Variants in TRIM25 observed in about 807,000 individuals in gnomAD.
TRIM25 encodes the protein tripartite motif containing 25.
In TRIM25, 45 loss-of-function variants were observed where a neutral mutation model predicts 65.2. The observed-to-expected ratio is 0.69, with a 90% confidence interval of 0.54 to 0.89. The LOEUF (loss-of-function observed/expected upper bound fraction) is 0.89, where lower values mean the gene tolerates loss of function less well. TRIM25 is among the 40% of genes least tolerant of loss of function. The pLI is 0.00. For missense variants in TRIM25, 714 were observed against 803.7 expected, an observed-to-expected ratio of 0.89 and a Z score of 1.35; for synonymous variants, 321 against 340.4, an observed-to-expected ratio of 0.94 and a Z score of 0.63.
intron 4 of TRIM25, 48 bp from the exon 5 acceptor site, chr17:56,899,228 C>A: frequency 6.2e-7 from 1 of 1,607,622 alleles, no homozygotes; most frequent in South Asian, 1.1e-5. Flanking sequence ...TCTCACTGAC[C>A]CTAGCAGCCA....
intron 1 of TRIM25, among the ~76,000 whole-genome samples, chr17:56,911,199 T>G (rs1161533425): frequency 6.6e-6 from 1 of 151,858 alleles, no homozygotes; most frequent in Non-Finnish European, 1.5e-5. Context: ...AGTCCAGGGT[T>G]TAAGGTTATA....
At chr17:56,894,855 A>AG (rs1349601648) in intron 8 of TRIM25, among the ~76,000 whole-genome samples, 1 of 152,230 alleles carries the variant, frequency 6.6e-6, no homozygotes, top group Non-Finnish European at 1.5e-5. Context: ...ATAACAGAGC[A>AG]GGGGGAGCCC....
At chr17:56,895,253 G>T in intron 8 of TRIM25, 90 bp downstream of exon 8, 1 of 994,854 alleles carries the variant, frequency 1.0e-6, no homozygotes, top group Non-Finnish European at 1.5e-6. Context: ...GGCTGATATA[G>T]CCGGCCAGCT....
Position 56,889,748 on chromosome 17 carries a change from G to C in TRIM25, c.*1952C>G, listed in dbSNP as rs1598068047. On this transcript the variant is annotated 3_prime_UTR_variant, in exon 9 of 9. Coordinates refer to ENST00000316881, the MANE Select transcript of TRIM25 (RefSeq NM_005082.5). ...CTGGCATTCTACTCCTCCAAGCCCAGCTGTTTCCCAAGTATTAATTGGTTT... is the reference window on the plus strand; with the variant it reads ...CTGGCATTCTACTCCTCCAAGCCCACCTGTTTCCCAAGTATTAATTGGTTT... 2.5e-6 allele frequency: 1 copy of C among 398,462 alleles called. No homozygotes were observed. The highest frequency in any genetic ancestry group is 2.1e-5 in the African/African-American group (1 of 48,616). 24.7% of individuals were successfully genotyped at this position (398,462 alleles called of 1,614,324 possible).
At chr17:56,911,449 G>A (rs1360905555) in intron 1 of TRIM25, among the ~76,000 whole-genome samples, 2 of 151,918 alleles carry the variant, frequency 1.3e-5, no homozygotes, top group African/African-American at 4.8e-5. Flanking sequence ...GCATGGTGGC[G>A]CAGGCCTGTA....
At chr17:56,898,837 C>A (rs899058464) in intron 5 of TRIM25, 1 of 377,524 alleles carries the variant, frequency 2.6e-6, no homozygotes, top group Non-Finnish European at 4.9e-6. Context: ...TCTCCTTGCC[C>A]AAGGCTCTGC....
intron 8 of TRIM25, among the ~76,000 whole-genome samples, chr17:56,895,121 G>C (rs114863269): frequency 6.6e-6 from 1 of 152,182 alleles, no homozygotes; most frequent in Non-Finnish European, 1.5e-5. Context: ...CAGACTAGAC[G>C]GCAAGAGGGA....
Position 56,891,568 on chromosome 17 carries a change from CG to C in TRIM25, c.*131del. Reference sequence around the variant, plus strand: ...GGCTAAATCCCACCTCCCACCCTCCCGCCAGCTCCCCTCCCATGCTCCCAAT... The same window carrying C: ...GGCTAAATCCCACCTCCCACCCTCCCCCAGCTCCCCTCCCATGCTCCCAAT... On this transcript the variant is annotated 3_prime_UTR_variant, in exon 9 of 9. Transcript: ENST00000316881. The C allele has an allele frequency of 7.0e-6, 6 of 851,666 alleles. No individual in the cohort carries two copies. The highest frequency in any genetic ancestry group is 1.0e-5 in the Non-Finnish European group (6 of 574,322). 52.8% of individuals were successfully genotyped at this position (851,666 alleles called of 1,614,324 possible).
chr17:56,899,941 C>T (rs901500334), intron 4 of TRIM25, among the ~76,000 whole-genome samples: 4 of 152,316 alleles, frequency 2.6e-5, no homozygotes, highest in Middle Eastern at 3.4e-3. Flanking sequence ...AGGCTGGGCC[C>T]GGTGGCTCAC....
chr17:56,913,401 G>A lies in TRIM25; in HGVS notation c.588C>T (p.Ala196=), dbSNP rs745695631. Residue 196 remains alanine, a synonymous_variant, in exon 1 of 9, where the codon GCC becomes GCT. Coordinates refer to ENST00000316881, the MANE Select transcript of TRIM25 (RefSeq NM_005082.5). The surrounding 1 kb of genome is among the most constrained non-coding windows in gnomAD (Gnocchi z 6.1). ...GCAGGCCGTTCCCTACCTCCAGGTC[G>A]GCGCTGGCCTGGCTCAGGGACGCGG... The part of the protein sequence containing the change: ...CSPASLSQAS[A]DLEATLRHKL... 1.3e-6 allele frequency: 2 copies of A among 1,561,850 alleles called. No individual in the cohort carries two copies. The highest frequency in any genetic ancestry group is 8.7e-7 in the Non-Finnish European group (1 of 1,147,948).
chr17:56,910,320 C>G (rs1909602614), intron 1 of TRIM25, among the ~76,000 whole-genome samples: 1 of 152,198 alleles, frequency 6.6e-6, no homozygotes, highest in African/African-American at 2.4e-5. Context: ...GGGTTGGAGG[C>G]AGGGACCAAG....
intron 2 of TRIM25, among the ~76,000 whole-genome samples, chr17:56,905,621 GAAT>G (rs915104282): frequency 3.9e-5 from 6 of 152,034 alleles, no homozygotes; most frequent in South Asian, 2.1e-4. Context: ...TATGTTGAAA[GAAT>G]AATATTTAAG....
Position 56,889,596 on chromosome 17 carries a change from T to C in TRIM25, c.*2104A>G, listed in dbSNP as rs1380285767. ...ACAGAGCTTGGCTTTGGTTACCTAC[T>C]TGACTCTCTTTTAAACAGAGGGTCT... On this transcript the variant is annotated 3_prime_UTR_variant, in exon 9 of 9. Coordinates refer to ENST00000316881, the MANE Select transcript of TRIM25 (RefSeq NM_005082.5). 1 of 396,112 alleles carries C rather than the reference T, an allele frequency of 2.5e-6. No individual in the cohort carries two copies. Among genetic ancestry groups the C allele is most frequent in the East Asian group, 3.6e-5 (1 of 27,962 alleles). The allele number at this position is 396,112 out of a possible 1,614,324, so 24.5% of individuals were successfully genotyped here.
Position 56,913,450 on chromosome 17 carries a change from A to G in TRIM25, c.539T>C (p.Leu180Pro). Residue 180 changes from leucine to proline, a missense_variant, in exon 1 of 9, where the codon CTG (leucine) becomes CCG (proline). Coordinates refer to ENST00000316881, the MANE Select transcript of TRIM25 (RefSeq NM_005082.5). The surrounding 1 kb of genome is among the most constrained non-coding windows in gnomAD (Gnocchi z 6.1). ...GGGAGAGCAGGTCTTATGCTCCACCAGGCAGATGTGGCAGATGCACTCGCT... is the reference window on the plus strand; with the variant it reads ...GGGAGAGCAGGTCTTATGCTCCACCGGGCAGATGTGGCAGATGCACTCGCT... ...EHSECICHICLVEHKTCSPAS... is the reference protein window; with the variant it reads ...EHSECICHICPVEHKTCSPAS... The G allele has an allele frequency of 6.2e-7, 1 of 1,609,928 alleles. No homozygotes were observed. Among genetic ancestry groups the G allele is most frequent in the Non-Finnish European group, 8.5e-7 (1 of 1,177,376 alleles).
chr17:56,913,525 C>A lies in TRIM25; in HGVS notation c.464G>T (p.Arg155Leu), dbSNP rs776705263. Reference sequence around the variant, plus strand: ...CAGCCGATTGTGCTGGGAACATTTGCGGCGCAACAGGTCGCGAACGGGCGG... The same window carrying A: ...CAGCCGATTGTGCTGGGAACATTTGAGGCGCAACAGGTCGCGAACGGGCGG... ...LQPPVRDLLR[R>L]KCSQHNRLRE... Residue 155 changes from arginine to leucine, a missense_variant, in exon 1 of 9, where the codon CGC becomes CTC. Coordinates refer to ENST00000316881, the MANE Select transcript of TRIM25 (RefSeq NM_005082.5). This position sits in a 1 kb window ranked among gnomAD's most constrained non-coding sequence, Gnocchi z 6.1. 1.9e-6 allele frequency: 3 copies of A among 1,613,754 alleles called. No individual in the cohort carries two copies. The highest frequency in any genetic ancestry group is 2.5e-6 in the Non-Finnish European group (3 of 1,179,800).
chr17:56,908,953 C>T (rs1398326182), intron 1 of TRIM25, among the ~76,000 whole-genome samples: 1 of 151,966 alleles, frequency 6.6e-6, no homozygotes, highest in East Asian at 1.9e-4. Flanking sequence ...TACTAAATGC[C>T]AGCTTATATT....
At chr17:56,911,906 A>C (rs1024847682) in intron 1 of TRIM25, among the ~76,000 whole-genome samples, 1 of 151,912 alleles carries the variant, frequency 6.6e-6, no homozygotes. Context: ...AGAAGAAAAA[A>C]AAAAGCCAAG....
In TRIM25 at chr17:56,890,359, G is replaced by C; in HGVS notation, c.*1341C>G. On this transcript the variant is annotated 3_prime_UTR_variant, in exon 9 of 9. Transcript: ENST00000316881. Reference sequence around the variant, plus strand: ...AACACTGCAGGGAAAATAGCCACTTGTGTGACCCTCTTTAGCTCTTTCCCT... The same window carrying C: ...AACACTGCAGGGAAAATAGCCACTTCTGTGACCCTCTTTAGCTCTTTCCCT... The C allele has an allele frequency of 2.9e-6, 1 of 348,332 alleles. No individual in the cohort carries two copies. The allele number at this position is 348,332 out of a possible 1,614,324, so 21.6% of individuals were successfully genotyped here.
chr17:56,904,741 A>G (rs964897558), intron 2 of TRIM25, among the ~76,000 whole-genome samples: 4 of 152,256 alleles, frequency 2.6e-5, no homozygotes, highest in Non-Finnish European at 4.4e-5. Flanking sequence ...ATGCATAAGA[A>G]TGTTCACAGG....
Sources: gnomAD v4.1 joint callset for allele counts (sites outside exome capture counted in the v4.1 genomes callset) on GRCh38, gnomAD v4.1.1 for gene constraint, Gnocchi (gnomAD v3.1) non-coding constraint, MANE v1.5 for transcripts, NCBI Gene and HGNC (gene_info 2026-07-23, HGNC 2026-07-21) for gene names.